ATXN10: variants seen among roughly 807,000 people sequenced by gnomAD.
ATXN10 encodes the protein ataxin 10.
A neutral mutation model predicts 52.9 loss-of-function variants in ATXN10; 28 were observed. That is an observed-to-expected ratio of 0.53 (90% CI 0.39 to 0.73). The LOEUF (loss-of-function observed/expected upper bound fraction) is 0.73, where lower values mean the gene tolerates loss of function less well. Ranked by LOEUF, ATXN10 falls within the 30% of genes least tolerant of loss-of-function variation. The pLI, the probability that ATXN10 is intolerant of heterozygous loss-of-function variation, is 0.00. For missense variants in ATXN10, 565 were observed against 577.0 expected, an observed-to-expected ratio of 0.98 and a Z score of 0.21; for synonymous variants, 226 against 221.5, an observed-to-expected ratio of 1.02 and a Z score of -0.18.
intron 10 of ATXN10, among the ~76,000 whole-genome samples, chr22:45,821,309 T>G (rs1928638915): frequency 6.8e-6 from 1 of 148,054 alleles, no homozygotes; most frequent in African/African-American, 2.5e-5. Flanking sequence ...CCTGGGAGTT[T>G]GAGAGCAGCC....
chr22:45,755,898 A>G (rs892463815), intron 9 of ATXN10, among the ~76,000 whole-genome samples: 2 of 152,160 alleles, frequency 1.3e-5, no homozygotes, highest in African/African-American at 2.4e-5. Context: ...TCAGGGTTCA[A>G]TAGCTTGCCT....
At position 45,762,138 on chromosome 22, in the gene ATXN10, G is replaced by C. The variant is rs553512575; in HGVS notation, c.1173+21600G>C. Reference sequence around the variant, plus strand: ...TTTACTTGTAACAATTGCAGAAAAAGTGAAAAGCTTGACATTACAGGTAGA... The same window carrying C: ...TTTACTTGTAACAATTGCAGAAAAACTGAAAAGCTTGACATTACAGGTAGA... On this transcript the variant is annotated intron_variant, in intron 9 of 11. Coordinates refer to ENST00000252934, the MANE Select transcript of ATXN10 (RefSeq NM_013236.4). The surrounding 1 kb of genome is among the most constrained non-coding windows in gnomAD (Gnocchi z 4.3). Among the ~76,000 whole-genome samples the C allele has an allele frequency of 4.6e-5, 7 of 152,322 alleles. No individual in the cohort carries two copies. The East Asian group carries it at 1.3e-3, about 29-fold the overall frequency.
rs1569068091 is a variant in ATXN10 at position 45,795,405 on chromosome 22, ATTCTATTCTATTCTATTC to A, written c.1174-11551_1174-11534del. Among the ~76,000 whole-genome samples, 109 of 149,084 alleles carry A rather than the reference ATTCTATTCTATTCTATTC, an allele frequency of 7.3e-4. No homozygotes were observed. Among genetic ancestry groups the A allele is most frequent in the African/African-American group, 2.6e-3 (105 of 39,690 alleles). On this transcript the variant is annotated intron_variant, in intron 9 of 11. Coordinates refer to ENST00000252934, the MANE Select transcript of ATXN10 (RefSeq NM_013236.4). This position sits in a 1 kb window ranked among gnomAD's most constrained non-coding sequence, Gnocchi z 4.6. ...ATTCTATTCTATTCTATTCTATTCT[ATTCTATTCTATTCTATTC>A]TTTTTGAGATGAAGTCTCTCTATGT... is the stretch of plus-strand genomic sequence containing the variant.
In ATXN10 at chr22:45,757,910, G is replaced by C. The variant is rs1926232723; in HGVS notation, c.1173+17372G>C. Among the ~76,000 whole-genome samples, 1 of 152,166 alleles carries C rather than the reference G, an allele frequency of 6.6e-6. No homozygotes were observed. The highest frequency in any genetic ancestry group is 2.4e-5 in the African/African-American group (1 of 41,422). ...GTATTTATAAAATTGGCATTTATTG[G>C]ACCTCTGCTGTGGATACTATTTACT... is the stretch of plus-strand genomic sequence containing the variant. On this transcript the variant is annotated intron_variant, in intron 9 of 11. Coordinates refer to ENST00000252934, the MANE Select transcript of ATXN10 (RefSeq NM_013236.4). This position sits in a 1 kb window ranked among gnomAD's most constrained non-coding sequence, Gnocchi z 4.6.
At chr22:45,703,217 G>A (rs1200677283) in intron 5 of ATXN10, among the ~76,000 whole-genome samples, 4 of 152,208 alleles carry the variant, frequency 2.6e-5, no homozygotes, top group Admixed American at 6.5e-5. Flanking sequence ...AGCCTTGTAA[G>A]CATCTGTGCA....
At chr22:45,803,988 C>A (rs571886486) in intron 9 of ATXN10, among the ~76,000 whole-genome samples, 43 of 152,006 alleles carry the variant, frequency 2.8e-4, no homozygotes, top group African/African-American at 9.9e-4. Context: ...CTTATCTTTC[C>A]CTCAAACCAT....
intron 10 of ATXN10, among the ~76,000 whole-genome samples, chr22:45,808,019 A>G (rs1487458932): frequency 6.6e-6 from 1 of 152,236 alleles, no homozygotes; most frequent in East Asian, 1.9e-4. Context: ...AGATACTGTC[A>G]TTTGTCTGAT....
chr22:45,684,158 A>T lies in ATXN10; in HGVS notation c.117-5554A>T, dbSNP rs1325335195. 2.1e-5 allele frequency among the ~76,000 whole-genome samples: 3 copies of T among 145,674 alleles called. No homozygotes were observed. The highest frequency in any genetic ancestry group is 2.1e-4 in the Admixed American group (3 of 14,570). ...TTTTGTTTTTTTTTTTTTTGTAGAG[A>T]TAGGGTCTTGCTATGTTAGGCAGGT... On this transcript the variant is annotated intron_variant, in intron 1 of 11. Transcript: ENST00000252934. This position sits in a 1 kb window ranked among gnomAD's most constrained non-coding sequence, Gnocchi z 4.1.
intron 9 of ATXN10, among the ~76,000 whole-genome samples, chr22:45,791,280 T>C (rs1927499881): frequency 6.6e-6 from 1 of 152,242 alleles, no homozygotes; most frequent in African/African-American, 2.4e-5. Context: ...CCTTGATTTC[T>C]AGAGATAGAA....
In ATXN10 at chr22:45,688,558, G is replaced by A. The variant is rs763452176; in HGVS notation, c.117-1154G>A. Among the ~76,000 whole-genome samples the A allele has an allele frequency of 1.3e-5, 2 of 152,172 alleles. No individual in the cohort carries two copies. The highest frequency in any genetic ancestry group is 2.9e-5 in the Non-Finnish European group (2 of 68,042). On this transcript the variant is annotated intron_variant, in intron 1 of 11. Transcript: ENST00000252934. The surrounding 1 kb of genome is among the most constrained non-coding windows in gnomAD (Gnocchi z 4.0). ...ATCACTTGGTGTATAAGAAGCCATG[G>A]TACTGAAGTTCAAGGAAAGACGTGT...
intron 9 of ATXN10, among the ~76,000 whole-genome samples, chr22:45,746,325 C>G (rs1031467865): frequency 1.2e-4 from 18 of 150,308 alleles, no homozygotes; most frequent in African/African-American, 4.2e-4. Flanking sequence ...TTTATTATTT[C>G]CTCCTGTCTG....
Position 45,732,113 on chromosome 22 carries a change from G to A in ATXN10, c.894+2523G>A, listed in dbSNP as rs1925110241. On this transcript the variant is annotated intron_variant, in intron 7 of 11. Coordinates refer to ENST00000252934, the MANE Select transcript of ATXN10 (RefSeq NM_013236.4). This position sits in a 1 kb window ranked among gnomAD's most constrained non-coding sequence, Gnocchi z 4.5. ...TAGGAAAACTTCTATTTTTCCTTTG[G>A]ACTTTTTTCTCTAAGATGGGAAGTA... Among the ~76,000 whole-genome samples, 5 of 152,088 alleles carry A rather than the reference G, an allele frequency of 3.3e-5. No individual in the cohort carries two copies. The highest frequency in any genetic ancestry group is 2.0e-4 in the Admixed American group (3 of 15,266).
At chr22:45,821,347 TAA>T (rs567448480) in intron 10 of ATXN10, among the ~76,000 whole-genome samples, 20 of 106,440 alleles carry the variant, frequency 1.9e-4, no homozygotes, top group East Asian at 2.9e-4. Flanking sequence ...CCCGTCTCTT[TAA>T]AAAAAAAAAA....
At position 45,843,024 on chromosome 22, in the gene ATXN10, A is replaced by T; in HGVS notation, c.1271A>T (p.Asn424Ile). Residue 424 changes from asparagine to isoleucine, a missense_variant, in exon 11 of 12, where the codon AAC becomes ATC. By Grantham distance (149) the Asn-to-Ile change is moderately radical. Coordinates refer to ENST00000252934, the MANE Select transcript of ATXN10 (RefSeq NM_013236.4). This position sits in a 1 kb window ranked among gnomAD's most constrained non-coding sequence, Gnocchi z 4.5. Reference sequence around the variant, plus strand: ...CAGTGGGTGATATATGCCATCCGAAACCTTACCGAAGACAACAGCCAAAAC... The same window carrying T: ...CAGTGGGTGATATATGCCATCCGAATCCTTACCGAAGACAACAGCCAAAAC... ...LTQWVIYAIR[N>I]LTEDNSQNQD... 2 of 1,614,200 alleles carry T rather than the reference A, an allele frequency of 1.2e-6. No individual in the cohort carries two copies. The highest frequency in any genetic ancestry group is 2.2e-5 in the South Asian group (2 of 91,088).
At chr22:45,749,792 C>T (rs1222560301) in intron 9 of ATXN10, among the ~76,000 whole-genome samples, 2 of 152,100 alleles carry the variant, frequency 1.3e-5, no homozygotes, top group Non-Finnish European at 2.9e-5. Flanking sequence ...TCTCAAACTC[C>T]TGGCCTCAGG....
rs1200031741 is a variant in ATXN10, at chr22:45,818,012, G to A, written c.1237+10990G>A. Among the ~76,000 whole-genome samples, 1 of 152,182 alleles carries A rather than the reference G, an allele frequency of 6.6e-6. No homozygotes were observed. Among genetic ancestry groups the A allele is most frequent in the African/African-American group, 2.4e-5 (1 of 41,430 alleles). The stretch of plus-strand genomic sequence containing the variant: ...GCTGGAAGTTGGAGAAAGACATGCT[G>A]GAATGCATAAGCTTTCAGAAAAGAG... On this transcript the variant is annotated intron_variant, in intron 10 of 11. Transcript: ENST00000252934. The surrounding 1 kb of genome is among the most constrained non-coding windows in gnomAD (Gnocchi z 4.6).
chr22:45,822,758 G>A (rs1338376102), intron 10 of ATXN10, among the ~76,000 whole-genome samples: 1 of 151,958 alleles, frequency 6.6e-6, no homozygotes, highest in East Asian at 1.9e-4. Context: ...CTGACCTCAG[G>A]TGATCCGTCT....
rs573662957 is a variant in ATXN10 at position 45,845,085 on chromosome 22, C to T, written c.*1414C>T. ...TAAAATTACACAAAGGAGTCATTCT[C>T]TCCTGGGACATAAAGAGTTAAAGCT... On this transcript the variant is annotated 3_prime_UTR_variant, in exon 12 of 12. Transcript: ENST00000252934. The surrounding 1 kb of genome is among the most constrained non-coding windows in gnomAD (Gnocchi z 4.7). The T allele has an allele frequency of 2.0e-5, 3 of 152,162 alleles. No individual in the cohort carries two copies. The highest frequency in any genetic ancestry group is 4.4e-5 in the Non-Finnish European group (3 of 68,026). The allele number at this position is 152,162 out of a possible 1,614,324, so 9.4% of individuals were successfully genotyped here.
intron 10 of ATXN10, among the ~76,000 whole-genome samples, chr22:45,813,092 A>G (rs1340091430): frequency 1.3e-5 from 2 of 152,180 alleles, no homozygotes; most frequent in African/African-American, 4.8e-5. Context: ...GAGCCCAACT[A>G]GTGCCCAGCT....
Sources: gnomAD v4.1 joint callset for allele counts (sites outside exome capture counted in the v4.1 genomes callset) on GRCh38, gnomAD v4.1.1 for gene constraint, Gnocchi (gnomAD v3.1) non-coding constraint, MANE v1.5 for transcripts, NCBI Gene and HGNC (gene_info 2026-07-23, HGNC 2026-07-21) for gene names.